SIDT1: variants seen among roughly 807,000 people sequenced by gnomAD.
SIDT1 encodes the protein SID1 transmembrane family, member 1.
SIDT1 carries 101 observed loss-of-function variants against 107.5 expected under a neutral mutation model. That is an observed-to-expected ratio of 0.94 (90% CI 0.80 to 1.11). SIDT1 has a LOEUF of 1.11. Among genes scored for constraint, SIDT1 ranks in the 50% least tolerant of loss-of-function variants. The pLI, the probability that SIDT1 is intolerant of heterozygous loss-of-function variation, is 0.00. For missense variants in SIDT1, 1,076 were observed against 1,058.2 expected (o/e 1.02, Z -0.23); for synonymous variants, 395 against 398.2 (o/e 0.99, Z 0.10).
intron 7 of SIDT1, among the ~76,000 whole-genome samples, 155 bp downstream of exon 7, chr3:113,583,651 G>T (rs944862315): frequency 6.6e-6 from 1 of 152,094 alleles, no homozygotes; most frequent in Admixed American, 6.5e-5. Flanking sequence ...GAAAAAAAAC[G>T]AAAGATAGAA....
chr3:113,622,585 A>G (rs1473410364), intron 21 of SIDT1, among the ~76,000 whole-genome samples: 3 of 152,178 alleles, frequency 2.0e-5, no homozygotes, highest in African/African-American at 7.2e-5. Context: ...GAGTCCAACC[A>G]AAATTAACTT....
chr3:113,556,815 C>CT (rs1940910043), intron 1 of SIDT1, among the ~76,000 whole-genome samples: 2 of 40,588 alleles, frequency 4.9e-5, no homozygotes, highest in Admixed American at 3.9e-4. Context: ...CCCTAAGTTT[C>CT]TTTTTCTTTT....
chr3:113,620,806 G>A (rs1166979951), intron 21 of SIDT1, among the ~76,000 whole-genome samples: 7 of 152,174 alleles, frequency 4.6e-5, no homozygotes, highest in African/African-American at 1.7e-4. Flanking sequence ...GCAATGGGAG[G>A]AGAAAAGGGA....
chr3:113,579,840 G>T (rs1352199174), intron 4 of SIDT1, among the ~76,000 whole-genome samples: 1 of 152,174 alleles, frequency 6.6e-6, no homozygotes, highest in Non-Finnish European at 1.5e-5. Flanking sequence ...TTATTTGGCA[G>T]AATTCCCCTT....
At chr3:113,578,076 C>A (rs939783780) in intron 4 of SIDT1, among the ~76,000 whole-genome samples, 4 of 152,154 alleles carry the variant, frequency 2.6e-5, no homozygotes, top group African/African-American at 9.7e-5. Flanking sequence ...GGGCCAAAGG[C>A]CCTTAATATA....
At chr3:113,579,540 G>A (rs1467395002) in intron 4 of SIDT1, among the ~76,000 whole-genome samples, 1 of 152,066 alleles carries the variant, frequency 6.6e-6, no homozygotes, top group African/African-American at 2.4e-5. Context: ...GTTATAAGAT[G>A]TGAATAGACT....
intron 1 of SIDT1, among the ~76,000 whole-genome samples, chr3:113,552,280 C>T (rs375189536): frequency 3.3e-5 from 5 of 152,068 alleles, no homozygotes; most frequent in African/African-American, 1.2e-4. Flanking sequence ...GACAATGTTC[C>T]TCTGGTTAAC....
intron 1 of SIDT1, among the ~76,000 whole-genome samples, chr3:113,557,684 C>G (rs994963329): frequency 2.6e-5 from 4 of 152,096 alleles, no homozygotes; most frequent in Non-Finnish European, 5.9e-5. Context: ...GGAGCATGGC[C>G]CAGCTAACAC....
intron 1 of SIDT1, among the ~76,000 whole-genome samples, chr3:113,547,882 T>G (rs1190448000): frequency 6.6e-6 from 1 of 152,124 alleles, no homozygotes; most frequent in Admixed American, 6.5e-5. Flanking sequence ...TAGTAAAGTA[T>G]GATTAATTTA....
the SIDT1 span, among the ~76,000 whole-genome samples, chr3:113,635,332 C>T: frequency 6.6e-6 from 1 of 151,852 alleles, no homozygotes; most frequent in East Asian, 1.9e-4. Flanking sequence ...CCTGTCTCTA[C>T]AAAAAAAGAA....
chr3:113,594,003 G>A lies in SIDT1; in HGVS notation c.1045+955G>A, dbSNP rs141265928. Among the ~76,000 whole-genome samples, 14 of 152,246 alleles carry A rather than the reference G, an allele frequency of 9.2e-5. 1 individual carries two copies. The highest frequency in any genetic ancestry group is 4.1e-4 in the South Asian group (2 of 4,826). The stretch of plus-strand genomic sequence containing the variant: ...AAACTCAGTGCTCATAGGTTATTTG[G>A]CATAGAGCAAGAATTTGGTTAAAGA... On this transcript the variant is annotated intron_variant, in intron 10 of 24. Transcript: ENST00000264852.
intron 1 of SIDT1, among the ~76,000 whole-genome samples, chr3:113,562,653 C>T (rs1560038850): frequency 6.6e-6 from 1 of 152,048 alleles, no homozygotes; most frequent in African/African-American, 2.4e-5. Flanking sequence ...GAAATATAGG[C>T]AAATCCATAA....
intron 4 of SIDT1, among the ~76,000 whole-genome samples, chr3:113,579,466 C>T (rs1242541556): frequency 6.6e-6 from 1 of 151,542 alleles, no homozygotes; most frequent in Non-Finnish European, 1.5e-5. Context: ...TTTGAAGAGC[C>T]CTGTATTATA....
At chr3:113,604,166 C>G in intron 13 of SIDT1, 133 bp downstream of exon 13, 1 of 597,532 alleles carries the variant, frequency 1.7e-6, no homozygotes, top group East Asian at 3.1e-5. Flanking sequence ...TACCAGCCAA[C>G]TATCAGTAGA....
chr3:113,608,318 G>A (rs1945487160), intron 16 of SIDT1, 101 bp downstream of exon 16: 1 of 1,526,588 alleles, frequency 6.6e-7, no homozygotes, highest in Non-Finnish European at 9.0e-7. Flanking sequence ...TTTATTATGT[G>A]TAATAAACTA....
chr3:113,550,866 C>T (rs1041427724), intron 1 of SIDT1, among the ~76,000 whole-genome samples: 6 of 152,062 alleles, frequency 3.9e-5, no homozygotes, highest in Admixed American at 3.9e-4. Flanking sequence ...TATCACTCAA[C>T]TAAGACTAGT....
At position 113,605,705 on chromosome 3, in the gene SIDT1, A is replaced by G. The variant is rs758192895; in HGVS notation, c.1404+729A>G. Among the ~76,000 whole-genome samples, 56 of 152,236 alleles carry G rather than the reference A, an allele frequency of 3.7e-4. 1 individual carries two copies. Among genetic ancestry groups the G allele is most frequent in the Middle Eastern group, 6.8e-3 (2 of 294 alleles). Reference sequence around the variant, plus strand: ...ATTGAAGGTAAATTTTTTTTGTAAAATTAAAAACAGCTTTGTGGCTGGGCA... The same window carrying G: ...ATTGAAGGTAAATTTTTTTTGTAAAGTTAAAAACAGCTTTGTGGCTGGGCA... On this transcript the variant is annotated intron_variant, in intron 14 of 24. Coordinates refer to ENST00000264852, the MANE Select transcript of SIDT1 (RefSeq NM_017699.3).
Position 113,609,827 on chromosome 3 carries a change from C to T in SIDT1, c.1721-1181C>T, listed in dbSNP as rs559588763. On this transcript the variant is annotated intron_variant, in intron 17 of 24. Transcript: ENST00000264852. ...AATGTCAACATTTTTAAATATTTGC[C>T]TAGATCTACTTTTTAAAGAATAAAG... Among the ~76,000 whole-genome samples, 12 of 152,266 alleles carry T rather than the reference C, an allele frequency of 7.9e-5. No homozygotes were observed. In the South Asian group the frequency reaches 2.3e-3, roughly 29 times the overall value.
intron 1 of SIDT1, among the ~76,000 whole-genome samples, chr3:113,548,312 T>A (rs539634527): frequency 6.6e-5 from 10 of 152,292 alleles, no homozygotes; most frequent in Admixed American, 1.3e-4. Flanking sequence ...ATACATAATG[T>A]TGTGTATCCA....
Sources: allele counts gnomAD v4.1 joint callset (sites outside exome capture counted in the v4.1 genomes callset), GRCh38; gene constraint gnomAD v4.1.1; transcripts MANE v1.5; gene names NCBI Gene and HGNC (gene_info 2026-07-23, HGNC 2026-07-21).